Variants in TSBP1 observed in about 807,000 individuals in gnomAD.
The protein encoded by TSBP1 is testis-expressed basic protein 1.
TSBP1 carries 56 observed loss-of-function variants against 68.8 expected under a neutral mutation model. The ratio of observed to expected loss-of-function variants is 0.81; its 90% CI spans 0.66 to 1.02. The LOEUF is 1.02. Among genes scored for constraint, TSBP1 ranks in the 50% least tolerant of loss-of-function variants. The pLI, the probability that TSBP1 is intolerant of heterozygous loss-of-function variation, is 0.00. For missense variants in TSBP1, 502 were observed against 641.2 expected, an observed-to-expected ratio of 0.78 and a Z score of 2.34; for synonymous variants, 171 against 208.7, an observed-to-expected ratio of 0.82 and a Z score of 1.56.
At chr6:32,364,282 C>A (rs540806440) in intron 6 of TSBP1, among the ~76,000 whole-genome samples, 29 of 152,230 alleles carry the variant, frequency 1.9e-4, no homozygotes, top group Middle Eastern at 3.4e-3. Flanking sequence ...AAGTTTTTAG[C>A]AATTATGCCT....
At chr6:32,329,378 CT>C (rs1343470130) in intron 16 of TSBP1, among the ~76,000 whole-genome samples, 1 of 152,082 alleles carries the variant, frequency 6.6e-6, no homozygotes, top group Admixed American at 6.6e-5. Flanking sequence ...TATGTTTATC[CT>C]CCCTGTAATA....
rs747862707 is a variant in TSBP1, at chr6:32,339,018, A to C, written c.389-19T>G. The C allele has an allele frequency of 3.7e-6, 6 of 1,609,250 alleles. No individual in the cohort carries two copies. In the African/African-American group the frequency reaches 5.3e-5, roughly 14 times the overall value. On this transcript the variant is annotated intron_variant, in intron 10 of 22. Transcript: ENST00000612031. ...GTTCTGGCTAAAATACAAACAAAAA[A>C]GGTGAGTTTGAAGAGAGCATGACTC...
Position 32,371,412 on chromosome 6 carries a change from G to A in TSBP1, c.13+282C>T, listed in dbSNP as rs141412176. Among the ~76,000 whole-genome samples, 505 of 152,280 alleles carry A rather than the reference G, an allele frequency of 3.3e-3. 4 individuals are homozygous for A. Among genetic ancestry groups the A allele is most frequent in the Admixed American group, 0.019 (296 of 15,302 alleles). Reference sequence around the variant, plus strand: ...TACAGGAAGTGAGATAATGGGCTAAGGAATTTTTCCTAGTGCTACGGAGGA... The same window carrying A: ...TACAGGAAGTGAGATAATGGGCTAAAGAATTTTTCCTAGTGCTACGGAGGA... On this transcript the variant is annotated intron_variant, in intron 1 of 22. Coordinates refer to ENST00000612031, the Ensembl canonical transcript of TSBP1.
chr6:32,335,846 T>C lies in TSBP1; in HGVS notation c.451+66A>G, dbSNP rs750573718. 4.5e-5 allele frequency: 57 copies of C among 1,264,808 alleles called. No individual in the cohort carries two copies. The highest frequency in any genetic ancestry group is 7.4e-5 in the African/African-American group (5 of 67,942). The allele number at this position is 1,264,808 out of a possible 1,614,324, so 78.3% of individuals were successfully genotyped here. ...TTGAAATCCCAACATGGAAACCAGG[T>C]AGCGATCCCTAAGATACTGCAGGAA... is the stretch of plus-strand genomic sequence containing the variant. On this transcript the variant is annotated intron_variant, in intron 13 of 22. Transcript: ENST00000612031. The surrounding 1 kb of genome is among the most constrained non-coding windows in gnomAD (Gnocchi z 5.5).
At position 32,337,564 on chromosome 6, in the gene TSBP1, T is replaced by C. The variant is rs1157765419; in HGVS notation, c.410-929A>G. Among the ~76,000 whole-genome samples the C allele has an allele frequency of 6.6e-6, 1 of 152,176 alleles. No homozygotes were observed. Among genetic ancestry groups the C allele is most frequent in the Non-Finnish European group, 1.5e-5 (1 of 68,030 alleles). On this transcript the variant is annotated intron_variant, in intron 11 of 22. Transcript: ENST00000612031. The surrounding 1 kb of genome is among the most constrained non-coding windows in gnomAD (Gnocchi z 5.5). ...GTAAAAGGGAATAGAAACTGCTAGG[T>C]TGACTTAAGACATTTATAGGTATGA... is the stretch of plus-strand genomic sequence containing the variant.
At chr6:32,320,952 C>G (rs1363928504) in intron 18 of TSBP1, among the ~76,000 whole-genome samples, 5 of 152,056 alleles carry the variant, frequency 3.3e-5, no homozygotes, top group Admixed American at 2.0e-4. Flanking sequence ...TTTTCTGTTC[C>G]TGCATTAGTT....
chr6:32,348,463 G>T (rs3117124), intron 9 of TSBP1, among the ~76,000 whole-genome samples: 112,456 of 145,966 alleles, frequency 0.77, 43,912 homozygotes, highest in South Asian at 0.88. Context: ...AGCACACTAA[G>T]TCTGATATTT....
intron 14 of TSBP1, among the ~76,000 whole-genome samples, chr6:32,332,370 C>G (rs756520896): frequency 2.0e-5 from 3 of 152,148 alleles, no homozygotes; most frequent in Non-Finnish European, 4.4e-5. Context: ...AGGTGAAACA[C>G]TTCCTGTCAG....
intron 19 of TSBP1, among the ~76,000 whole-genome samples, chr6:32,309,341 G>A (rs1463041303): frequency 7.0e-6 from 1 of 143,600 alleles, no homozygotes; most frequent in African/African-American, 2.6e-5. Flanking sequence ...TTGTTGATTT[G>A]TTTTCTTACA....
chr6:32,293,004 A>T (rs1562041646), exon 23 of TSBP1: 3 of 1,592,122 alleles, frequency 1.9e-6, no homozygotes, highest in Admixed American at 1.8e-5. Flanking sequence ...TTTTTGTTGT[A>T]CTTCCTTCCT....
Position 32,302,348 on chromosome 6 carries a change from A to C in TSBP1, c.601+261T>G, listed in dbSNP as rs1408180180. 1.3e-5 allele frequency among the ~76,000 whole-genome samples: 2 copies of C among 152,062 alleles called. No homozygotes were observed. The highest frequency in any genetic ancestry group is 2.9e-5 in the Non-Finnish European group (2 of 67,984). ...CACACATCTGTAGTCCCAGCTACTC[A>C]GGAGGCTGAGGCAGGAGAATTGCTT... On this transcript the variant is annotated intron_variant, in intron 20 of 22. Transcript: ENST00000612031. This position sits in a 1 kb window ranked among gnomAD's most constrained non-coding sequence, Gnocchi z 5.1.
intron 18 of TSBP1, among the ~76,000 whole-genome samples, chr6:32,319,916 C>A (rs1443396623): frequency 6.6e-6 from 1 of 151,910 alleles, no homozygotes; most frequent in Non-Finnish European, 1.5e-5. Flanking sequence ...GCATTAATAT[C>A]TTTGAAGACT....
chr6:32,324,783 A>T, intron 16 of TSBP1: 1 of 1,332,900 alleles, frequency 7.5e-7, no homozygotes, highest in Non-Finnish European at 1.0e-6. Context: ...TTGCTTGAAC[A>T]TTTTTTTTTT....
intron 18 of TSBP1, among the ~76,000 whole-genome samples, chr6:32,317,988 A>T (rs1767158037): frequency 1.3e-5 from 2 of 152,222 alleles, no homozygotes; most frequent in Admixed American, 1.3e-4. Flanking sequence ...TTGTTCTATC[A>T]TAAAGAAACA....
chr6:32,293,054 C>T, exon 23 of TSBP1: 9 of 1,612,536 alleles, frequency 5.6e-6, no homozygotes, highest in South Asian at 1.1e-5. Context: ...TGATTTTTCA[C>T]CATTGATTTC....
At position 32,365,191 on chromosome 6, in the gene TSBP1, G is replaced by A. The variant is rs1562194765; in HGVS notation, c.217+976C>T. 2.5e-6 allele frequency: 1 copy of A among 397,516 alleles called. No homozygotes were observed. The highest frequency in any genetic ancestry group is 2.9e-5 in the Admixed American group (1 of 34,984). 24.6% of individuals were successfully genotyped at this position (397,516 alleles called of 1,614,324 possible). A position where few individuals can be genotyped will look rare whatever the true frequency, so the allele number is the denominator to read the frequency against. On this transcript the variant is annotated intron_variant, in intron 6 of 22. Transcript: ENST00000612031. This position sits in a 1 kb window ranked among gnomAD's most constrained non-coding sequence, Gnocchi z 4.3. ...TCAGGCATGAACTACCACACCCAGGGTAGATGGGATTTCTAAGATTGTGCT... is the reference window on the plus strand; with the variant it reads ...TCAGGCATGAACTACCACACCCAGGATAGATGGGATTTCTAAGATTGTGCT...
intron 15 of TSBP1, 108 bp downstream of exon 16, chr6:32,331,926 A>G (rs1769067368): frequency 1.2e-6 from 1 of 836,260 alleles, no homozygotes; most frequent in Non-Finnish European, 2.0e-6. Context: ...AGTCTAAGAA[A>G]TATGATTTTC....
chr6:32,371,838 A>G, exon 1 of TSBP1: 1 of 947,494 alleles, frequency 1.1e-6, no homozygotes, highest in Non-Finnish European at 1.7e-6. Context: ...AGGCCCTTGT[A>G]GGCAGAGATG....
chr6:32,318,965 A>G (rs986127977), intron 18 of TSBP1, among the ~76,000 whole-genome samples: 35 of 152,280 alleles, frequency 2.3e-4, no homozygotes, highest in South Asian at 1.2e-3. Context: ...AGATAAAATT[A>G]TGGGTTCTAA....
Sources: allele counts gnomAD v4.1 joint callset (sites outside exome capture counted in the v4.1 genomes callset), GRCh38; gene constraint gnomAD v4.1.1; non-coding constraint Gnocchi (gnomAD v3.1); transcripts MANE v1.5; gene names NCBI Gene and HGNC (gene_info 2026-07-23, HGNC 2026-07-21).